The following GRIK4 variants were observed in gnomAD, a reference collection of about 807,000 sequenced individuals.
The protein encoded by GRIK4 is glutamate receptor ionotropic, kainate 4.
GRIK4 carries 40 observed loss-of-function variants against 104.9 expected under a neutral mutation model. The ratio of observed to expected loss-of-function variants is 0.38; its 90% CI spans 0.30 to 0.50. The LOEUF (loss-of-function observed/expected upper bound fraction) is 0.50. GRIK4 is among the 20% of genes least tolerant of loss of function. The pLI, the probability that GRIK4 is intolerant of heterozygous loss-of-function variation, is 0.93. For synonymous variants in GRIK4, 485 were observed against 524.9 expected (o/e 0.92, Z 1.04); for missense variants, 1,047 against 1,308.1 (o/e 0.80, Z 3.08).
chr11:120,947,078 G>C (rs1591316718), intron 14 of GRIK4, among the ~76,000 whole-genome samples: 1 of 152,042 alleles, frequency 6.6e-6, no homozygotes, highest in East Asian at 1.9e-4. Context: ...TCTTTCTCAA[G>C]AAAAAGAAAA....
At chr11:120,532,317 G>A (rs750540571) in intron 1 of GRIK4, among the ~76,000 whole-genome samples, 11 of 152,056 alleles carry the variant, frequency 7.2e-5, no homozygotes, top group East Asian at 1.9e-4. Context: ...CCTTTGATCC[G>A]GCTGCCCTTG....
Position 120,986,071 on chromosome 11 carries a change from G to A in GRIK4, c.2682G>A (p.Gly894=). 2.6e-6 allele frequency: 4 copies of A among 1,517,180 alleles called. No individual in the cohort carries two copies. The highest frequency in any genetic ancestry group is 3.5e-6 in the Non-Finnish European group (4 of 1,136,960). 94.0% of individuals were successfully genotyped at this position (1,517,180 alleles called of 1,614,324 possible). Residue 894 remains glycine, a synonymous_variant, in exon 21 of 21, where the codon GGG becomes GGA. Coordinates refer to ENST00000527524, the MANE Select transcript of GRIK4 (RefSeq NM_014619.5). The part of the protein sequence containing the change: ...TATLSNGKLC[G]AGEPDQLAQR... ...CGCTCAGCAACGGGAAGCTGTGCGG[G>A]GCAGGGGAGCCCGACCAGCTCGCGC... is the stretch of plus-strand genomic sequence containing the variant.
intron 14 of GRIK4, among the ~76,000 whole-genome samples, chr11:120,948,009 T>C (rs1943904883): frequency 6.6e-6 from 1 of 152,194 alleles, no homozygotes; most frequent in South Asian, 2.1e-4. Flanking sequence ...ACTTGCTTCC[T>C]TTTTTCCTCT....
chr11:120,782,610 G>C (rs745761358), intron 3 of GRIK4, among the ~76,000 whole-genome samples: 5 of 152,152 alleles, frequency 3.3e-5, no homozygotes, highest in Non-Finnish European at 7.3e-5. Context: ...TTATTCAGCA[G>C]ACATTGGGAT....
chr11:120,685,070 A>G (rs1950255424), intron 3 of GRIK4, among the ~76,000 whole-genome samples: 2 of 152,198 alleles, frequency 1.3e-5, no homozygotes, highest in Non-Finnish European at 2.9e-5. Flanking sequence ...ACTTCTGTGG[A>G]AGATGACATT....
intron 4 of GRIK4, among the ~76,000 whole-genome samples, chr11:120,805,759 G>A (rs571790493): frequency 9.9e-4 from 151 of 152,278 alleles, no homozygotes; most frequent in African/African-American, 3.5e-3. Flanking sequence ...AAGTAAGGGG[G>A]CAGGTGGGTT....
Position 120,923,612 on chromosome 11 carries a change from A to G in GRIK4, c.1477-16735A>G, listed in dbSNP as rs146678640. Among the ~76,000 whole-genome samples, 821 of 151,606 alleles carry G rather than the reference A, an allele frequency of 5.4e-3. 8 individuals carry two copies. The highest frequency in any genetic ancestry group is 0.019 in the African/African-American group (778 of 41,316). ...GTATTTGTAGTAGAGACGGGGTTTC[A>G]CCCTGTTAGCCAGGATGGTCTCGAT... On this transcript the variant is annotated intron_variant, in intron 13 of 20. Coordinates refer to ENST00000527524, the MANE Select transcript of GRIK4 (RefSeq NM_014619.5).
intron 3 of GRIK4, among the ~76,000 whole-genome samples, chr11:120,734,553 A>G (rs1387837597): frequency 6.6e-6 from 1 of 152,056 alleles, no homozygotes; most frequent in Non-Finnish European, 1.5e-5. Context: ...GTGTTCTATA[A>G]CCTTCTTGTA....
intron 18 of GRIK4, among the ~76,000 whole-genome samples, chr11:120,964,166 A>G (rs960337321): frequency 6.6e-6 from 1 of 151,726 alleles, no homozygotes; most frequent in Non-Finnish European, 1.5e-5. Context: ...TAATTTTTGT[A>G]TTTTTGGTAG....
rs77134802 is a variant in GRIK4, at chr11:120,516,800, C to T, written c.-159+4913C>T. On this transcript the variant is annotated intron_variant, in intron 1 of 20. Transcript: ENST00000527524. The stretch of plus-strand genomic sequence containing the variant: ...CTGGAGACCAGGGGGATGGGCGATG[C>T]GAGGGGAGTAGGGAAGCCGGAGGGG... 4.3e-3 allele frequency among the ~76,000 whole-genome samples: 659 copies of T among 152,006 alleles called. 14 individuals are homozygous for T. In the East Asian group the frequency reaches 0.059, roughly 14 times the overall value.
chr11:120,579,232 C>A (rs1410840365), intron 1 of GRIK4, among the ~76,000 whole-genome samples: 1 of 151,982 alleles, frequency 6.6e-6, no homozygotes, highest in Non-Finnish European at 1.5e-5. Flanking sequence ...ATAACCCCCC[C>A]CCCTTTTTTT....
intron 1 of GRIK4, among the ~76,000 whole-genome samples, chr11:120,617,071 C>T (rs909662476): frequency 5.9e-5 from 9 of 152,100 alleles, no homozygotes; most frequent in African/African-American, 1.9e-4. Context: ...TCGGGAGCCC[C>T]GTGAATGTTG....
chr11:120,751,796 C>T (rs1951558642), intron 3 of GRIK4, among the ~76,000 whole-genome samples: 1 of 152,218 alleles, frequency 6.6e-6, no homozygotes, highest in Non-Finnish European at 1.5e-5. Flanking sequence ...GGGCTGGCTC[C>T]TGTGCTCCCC....
intron 3 of GRIK4, among the ~76,000 whole-genome samples, chr11:120,765,969 G>A (rs1951831271): frequency 6.6e-6 from 1 of 152,258 alleles, no homozygotes; most frequent in African/African-American, 2.4e-5. Flanking sequence ...CCTTAGCAGA[G>A]CTTGAGCACT....
intron 13 of GRIK4, among the ~76,000 whole-genome samples, chr11:120,929,027 G>GTGTGTGCGCACA (rs1219963920): frequency 9.3e-6 from 1 of 107,752 alleles, no homozygotes; most frequent in African/African-American, 2.6e-5. Context: ...GCGCACATGT[G>GTGTGTGCGCACA]TGTGTGTGTG....
chr11:120,559,141 C>T (rs746903149), intron 1 of GRIK4, among the ~76,000 whole-genome samples: 1 of 152,166 alleles, frequency 6.6e-6, no homozygotes, highest in Non-Finnish European at 1.5e-5. Flanking sequence ...TGGTGACCTT[C>T]GTGGCATAGC....
At chr11:120,551,502 C>T (rs943880116) in intron 1 of GRIK4, among the ~76,000 whole-genome samples, 9 of 152,114 alleles carry the variant, frequency 5.9e-5, no homozygotes, top group African/African-American at 1.9e-4. Flanking sequence ...GGTTGTTGGC[C>T]GGGCATGGTG....
chr11:120,833,186 G>A (rs762690963), intron 7 of GRIK4, among the ~76,000 whole-genome samples: 1 of 150,448 alleles, frequency 6.6e-6, no homozygotes. Flanking sequence ...CCTTCAGCCC[G>A]TTGCTATAGT....
At chr11:120,900,659 C>T (rs796498242) in intron 12 of GRIK4, among the ~76,000 whole-genome samples, 1 of 152,156 alleles carries the variant, frequency 6.6e-6, no homozygotes, top group Non-Finnish European at 1.5e-5. Context: ...AGGGTGGCCT[C>T]TCCGAGAAAG....
Sources: allele counts gnomAD v4.1 joint callset (sites outside exome capture counted in the v4.1 genomes callset), GRCh38; gene constraint gnomAD v4.1.1; transcripts MANE v1.5; gene names NCBI Gene and HGNC (gene_info 2026-07-23, HGNC 2026-07-21).